ANKRD31: variants seen among roughly 807,000 people sequenced by gnomAD.
The protein encoded by ANKRD31 is ankyrin repeat domain-containing protein 31.
Under a neutral mutation model 186.0 loss-of-function variants are expected in ANKRD31, and 147 were observed. The observed-to-expected ratio is 0.79, with a 90% CI of 0.69 to 0.91. The LOEUF (loss-of-function observed/expected upper bound fraction) is 0.91. ANKRD31 is among the 40% of genes least tolerant of loss of function. The pLI, the probability that ANKRD31 is intolerant of heterozygous loss-of-function variation, is 0.00. For synonymous variants in ANKRD31, 673 were observed against 736.4 expected, an observed-to-expected ratio of 0.91 and a Z score of 1.39; for missense variants, 1,986 against 2,148.8, an observed-to-expected ratio of 0.92 and a Z score of 1.50.
At position 75,133,672 on chromosome 5, in the gene ANKRD31, A is replaced by G. The variant is rs13413607; in HGVS notation, c.3876+4184T>C. The stretch of plus-strand genomic sequence containing the variant: ...GCTCTGCATCAAGGGGACCTAATAG[A>G]CATCTACAGAACTCTCCACCCCAAA... On this transcript the variant is annotated intron_variant, in intron 17 of 25. Transcript: ENST00000506364. 1.6e-3 allele frequency among the ~76,000 whole-genome samples: 249 copies of G among 152,338 alleles called. 2 individuals carry two copies. The highest frequency in any genetic ancestry group is 3.3e-3 in the Admixed American group (50 of 15,310).
At chr5:75,173,157 T>C (rs572656271) in intron 10 of ANKRD31, among the ~76,000 whole-genome samples, 18 of 152,238 alleles carry the variant, frequency 1.2e-4, no homozygotes, top group African/African-American at 3.9e-4. Flanking sequence ...TTTCAATAGA[T>C]GCAGAAAAGG....
At chr5:75,134,168 G>T (rs1416112285) in intron 17 of ANKRD31, among the ~76,000 whole-genome samples, 1 of 151,904 alleles carries the variant, frequency 6.6e-6, no homozygotes, top group African/African-American at 2.4e-5. Flanking sequence ...TAAGATCAGA[G>T]AAGAACTGAA....
rs1287684021 is a variant in ANKRD31 at position 75,196,088 on chromosome 5, A to T, written c.560T>A (p.Ile187Asn). Reference sequence around the variant, plus strand: ...AAAAAATGTATTTGGTGCTGCTAAAATCTTCTCTGGCTCTACTAATGATGT... The same window carrying T: ...AAAAAATGTATTTGGTGCTGCTAAATTCTTCTCTGGCTCTACTAATGATGT... ...KETSLVEPEKILAAPNTFFEP... is the reference protein window; with the variant it reads ...KETSLVEPEKNLAAPNTFFEP... The change falls in exon 7 of 26, where the codon ATT (isoleucine) becomes AAT (asparagine). Residue 187 changes from isoleucine to asparagine, a missense_variant. Ile to Asn is a moderately radical substitution (Grantham distance 149). Transcript: ENST00000506364. 1.3e-6 allele frequency: 2 copies of T among 1,536,942 alleles called. No homozygotes were observed. The highest frequency in any genetic ancestry group is 1.7e-6 in the Non-Finnish European group (2 of 1,146,708).
chr5:75,163,290 T>G (rs915627670), intron 11 of ANKRD31, among the ~76,000 whole-genome samples: 3 of 152,138 alleles, frequency 2.0e-5, no homozygotes, highest in Non-Finnish European at 4.4e-5. Flanking sequence ...CAATAATATA[T>G]TTATACCACA....
chr5:75,177,656 T>C (rs1462768141), intron 10 of ANKRD31, among the ~76,000 whole-genome samples: 1 of 151,958 alleles, frequency 6.6e-6, no homozygotes, highest in Non-Finnish European at 1.5e-5. Context: ...GAAGGAGAAA[T>C]AAAATACTTT....
chr5:75,173,893 G>A (rs566247836), intron 10 of ANKRD31, among the ~76,000 whole-genome samples: 1 of 152,152 alleles, frequency 6.6e-6, no homozygotes, highest in East Asian at 1.9e-4. Flanking sequence ...AAGTTCATAT[G>A]GAACCAAAAA....
intron 19 of ANKRD31, 62 bp downstream of exon 19, chr5:75,116,504 T>C: frequency 9.7e-7 from 1 of 1,027,288 alleles, no homozygotes; most frequent in Non-Finnish European, 1.3e-6. Flanking sequence ...AATAACTAAC[T>C]GGCTGGCTCA....
chr5:75,111,215 G>A (rs1263808723), intron 20 of ANKRD31, among the ~76,000 whole-genome samples: 2 of 150,772 alleles, frequency 1.3e-5, no homozygotes, highest in South Asian at 2.1e-4. Context: ...AAAAAAAAAT[G>A]TGGGGAGGGG....
intron 10 of ANKRD31, among the ~76,000 whole-genome samples, chr5:75,170,688 T>C (rs2150191713): frequency 6.6e-6 from 1 of 152,230 alleles, no homozygotes; most frequent in African/African-American, 2.4e-5. Context: ...TAGTCCCCAG[T>C]GTCTACTGTT....
chr5:75,114,761 T>C (rs1580352820), intron 19 of ANKRD31, among the ~76,000 whole-genome samples: 1 of 152,036 alleles, frequency 6.6e-6, no homozygotes, highest in Non-Finnish European at 1.5e-5. Flanking sequence ...TAAAAGAGGA[T>C]ACAAACAAAT....
At chr5:75,138,090 C>T in intron 16 of ANKRD31, 92 bp from the exon 17 acceptor site, 1 of 1,144,420 alleles carries the variant, frequency 8.7e-7, no homozygotes. Context: ...TGCATTAATG[C>T]AATATCCATA....
intron 5 of ANKRD31, among the ~76,000 whole-genome samples, chr5:75,205,612 A>G (rs1756127980): frequency 6.6e-6 from 1 of 152,226 alleles, no homozygotes; most frequent in Admixed American, 6.5e-5. Context: ...CTAGACAGTT[A>G]AAGTATACGT....
At chr5:75,110,789 TA>T (rs1747715489) in intron 20 of ANKRD31, among the ~76,000 whole-genome samples, 2 of 148,870 alleles carry the variant, frequency 1.3e-5, no homozygotes, top group Non-Finnish European at 3.0e-5. Flanking sequence ...TAAGGTTATT[TA>T]AAATGAAAAT....
intron 19 of ANKRD31, among the ~76,000 whole-genome samples, chr5:75,114,646 T>G (rs992771512): frequency 2.0e-5 from 3 of 152,042 alleles, no homozygotes; most frequent in Admixed American, 2.0e-4. Flanking sequence ...ATGAGTGAAC[T>G]CCCATTCACA....
rs1227049302 is a variant in ANKRD31 at position 75,109,271 on chromosome 5, C to T, written c.4244-1654G>A. Among the ~76,000 whole-genome samples, 4 of 152,218 alleles carry T rather than the reference C, an allele frequency of 2.6e-5. No individual in the cohort carries two copies. The South Asian group carries it at 8.3e-4, about 32-fold the overall frequency. On this transcript the variant is annotated intron_variant, in intron 20 of 25. Coordinates refer to ENST00000506364, the MANE Select transcript of ANKRD31 (RefSeq NM_001372053.1). ...TGTTAACAATGGCAATTTTCTGCCT[C>T]AGTTCAGTTGAAGCAGTTCAGTTGA... is the stretch of plus-strand genomic sequence containing the variant.
chr5:75,072,410 G>A (rs1744308772), intron 25 of ANKRD31, among the ~76,000 whole-genome samples: 1 of 151,936 alleles, frequency 6.6e-6, no homozygotes, highest in Non-Finnish European at 1.5e-5. Context: ...CAGATGTGAT[G>A]GCTAGAGATT....
rs775462416 is a variant in ANKRD31, at chr5:75,196,122, C to G, written c.526G>C (p.Val176Leu). The change falls in exon 7 of 26, where the codon GTA becomes CTA. Residue 176 changes from valine (V) to leucine (L), a missense_variant. Coordinates refer to ENST00000506364, the MANE Select transcript of ANKRD31 (RefSeq NM_001372053.1). ...GGCTCTACTAATGATGTCTCCTTTACAGCAACTGTATCAGATACTGTAATA... is the reference window on the plus strand; with the variant it reads ...GGCTCTACTAATGATGTCTCCTTTAGAGCAACTGTATCAGATACTGTAATA... The part of the protein sequence containing the change: ...TAITVSDTVA[V>L]KETSLVEPEK... The G allele has an allele frequency of 1.1e-5, 17 of 1,535,124 alleles. No homozygotes were observed. The highest frequency in any genetic ancestry group is 1.5e-5 in the Non-Finnish European group (17 of 1,146,148).
At chr5:75,102,464 G>T (rs1336933430) in intron 22 of ANKRD31, among the ~76,000 whole-genome samples, 1 of 152,240 alleles carries the variant, frequency 6.6e-6, no homozygotes, top group Admixed American at 6.5e-5. Context: ...AAAGCTGTCA[G>T]ACAGGGACGT....
intron 10 of ANKRD31, among the ~76,000 whole-genome samples, chr5:75,180,755 T>C (rs1754221393): frequency 6.6e-6 from 1 of 152,148 alleles, no homozygotes; most frequent in Admixed American, 6.6e-5. Context: ...AAGACTTACA[T>C]GTTAGACCTA....
Sources: allele counts gnomAD v4.1 joint callset (sites outside exome capture counted in the v4.1 genomes callset), GRCh38; gene constraint gnomAD v4.1.1; transcripts MANE v1.5; gene names NCBI Gene and HGNC (gene_info 2026-07-23, HGNC 2026-07-21).